SPTBN1: variants seen among roughly 807,000 people sequenced by gnomAD.
SPTBN1 encodes the protein spectrin beta, non-erythrocytic 1, also known as spectrin beta chain, non-erythrocytic 1.
Under a neutral mutation model 266.4 loss-of-function variants are expected in SPTBN1, and 32 were observed. That is an observed-to-expected ratio of 0.12 (90% CI 0.09 to 0.16). The LOEUF is 0.16. Ranked by LOEUF, SPTBN1 falls within the 10% of genes least tolerant of loss-of-function variation. The pLI, the probability that SPTBN1 is intolerant of heterozygous loss-of-function variation, is 1.00. For missense variants in SPTBN1, 2,296 were observed against 3,067.1 expected (o/e 0.75, Z 5.94); for synonymous variants, 1,336 against 1,162.2 (o/e 1.15, Z -3.04).
intron 1 of SPTBN1, among the ~76,000 whole-genome samples, chr2:54,457,509 G>T (rs1462844565): frequency 6.6e-6 from 1 of 152,230 alleles, no homozygotes; most frequent in Non-Finnish European, 1.5e-5. Context: ...CAGGGTGCGT[G>T]TGGGGGTGCT....
intron 11 of SPTBN1, among the ~76,000 whole-genome samples, chr2:54,625,657 C>T (rs1219111201): frequency 4.6e-5 from 7 of 152,148 alleles, no homozygotes; most frequent in Non-Finnish European, 1.0e-4. Flanking sequence ...GTGGCGCAAT[C>T]TCGGCTCACT....
intron 1 of SPTBN1, among the ~76,000 whole-genome samples, chr2:54,474,304 A>G (rs1439719004): frequency 6.6e-6 from 1 of 152,214 alleles, no homozygotes; most frequent in Non-Finnish European, 1.5e-5. Context: ...CTAAAAGTCC[A>G]TCATTGGTAA....
intron 2 of SPTBN1, among the ~76,000 whole-genome samples, chr2:54,579,574 A>T (rs10187447): frequency 0.34 from 51,380 of 151,942 alleles, 11,148 homozygotes; most frequent in African/African-American, 0.63. Context: ...ACTGAGCTGA[A>T]GCACATTGGC....
At chr2:54,557,529 A>C (rs1314303221) in intron 2 of SPTBN1, among the ~76,000 whole-genome samples, 1 of 151,946 alleles carries the variant, frequency 6.6e-6, no homozygotes, top group Non-Finnish European at 1.5e-5. Context: ...TGGGAAGGAG[A>C]GATTTAAAAT....
At position 54,645,953 on chromosome 2, in the gene SPTBN1, T is replaced by C; in HGVS notation, c.4520T>C (p.Leu1507Ser). Residue 1507 changes from leucine to serine, a missense_variant, in exon 22 of 36, where the codon TTG becomes TCG. This residue lies in a region of SPTBN1 where 644 missense variants were observed against 745.3 expected (regional missense o/e 0.86). Coordinates refer to ENST00000356805, the MANE Select transcript of SPTBN1 (RefSeq NM_003128.3). This position sits in a 1 kb window ranked among gnomAD's most constrained non-coding sequence, Gnocchi z 4.3. ...TTGTGGGTTGGAGAGAGGATGCCTTTGGCAACTTCCACGGATCATGGCCAC... is the reference window on the plus strand; with the variant it reads ...TTGTGGGTTGGAGAGAGGATGCCTTCGGCAACTTCCACGGATCATGGCCAC... ...EILWVGERMP[L>S]ATSTDHGHNL... 2 of 1,614,244 alleles carry C rather than the reference T, an allele frequency of 1.2e-6. No individual in the cohort carries two copies. Among genetic ancestry groups the C allele is most frequent in the Non-Finnish European group, 1.7e-6 (2 of 1,180,046 alleles).
At position 54,611,049 on chromosome 2, in the gene SPTBN1, A is replaced by G. The variant is rs370853991; in HGVS notation, c.301-1112A>G. ...AGTACAGTACATACCAAGATTTAATACTGCTCAAATGGTGCCATTACAATC... is the reference window on the plus strand; with the variant it reads ...AGTACAGTACATACCAAGATTTAATGCTGCTCAAATGGTGCCATTACAATC... On this transcript the variant is annotated intron_variant, in intron 3 of 35. Coordinates refer to ENST00000356805, the MANE Select transcript of SPTBN1 (RefSeq NM_003128.3). 2.6e-4 allele frequency among the ~76,000 whole-genome samples: 40 copies of G among 152,186 alleles called. No individual in the cohort carries two copies. The East Asian group carries it at 6.9e-3, about 26-fold the overall frequency.
intron 28 of SPTBN1, 135 bp downstream of exon 28, chr2:54,655,343 C>T (rs1680580528): frequency 8.2e-7 from 1 of 1,222,142 alleles, no homozygotes; most frequent in Non-Finnish European, 1.1e-6. Context: ...AACTCCTTTC[C>T]TGTGCGTCTA....
intron 1 of SPTBN1, among the ~76,000 whole-genome samples, chr2:54,459,931 A>T (rs1693274588): frequency 6.6e-6 from 1 of 152,128 alleles, no homozygotes; most frequent in African/African-American, 2.4e-5. Context: ...TTAAATTTTT[A>T]TTGTGTGGGA....
At chr2:54,555,977 G>A (rs1043453973) in intron 2 of SPTBN1, among the ~76,000 whole-genome samples, 6 of 152,076 alleles carry the variant, frequency 3.9e-5, no homozygotes, top group Non-Finnish European at 5.9e-5. Flanking sequence ...TATTCTTTTG[G>A]TACTTTACTG....
intron 1 of SPTBN1, among the ~76,000 whole-genome samples, chr2:54,472,733 C>G (rs1693994292): frequency 6.6e-6 from 1 of 152,028 alleles, no homozygotes; most frequent in African/African-American, 2.4e-5. Flanking sequence ...TGGGACTAAT[C>G]TAAACAGCCA....
chr2:54,498,817 T>C (rs188046683), intron 1 of SPTBN1, among the ~76,000 whole-genome samples: 2 of 152,308 alleles, frequency 1.3e-5, no homozygotes, highest in Non-Finnish European at 2.9e-5. Flanking sequence ...AAATGCTGTG[T>C]TGGGTGCTGG....
chr2:54,656,194 C>T (rs556568775), intron 29 of SPTBN1, among the ~76,000 whole-genome samples, 196 bp downstream of exon 29: 8 of 152,302 alleles, frequency 5.3e-5, no homozygotes, highest in African/African-American at 1.4e-4. Context: ...TTTTTCACCT[C>T]TTGATTGATC....
chr2:54,602,403 G>A (rs1044821625), intron 3 of SPTBN1, among the ~76,000 whole-genome samples: 3 of 152,144 alleles, frequency 2.0e-5, no homozygotes, highest in African/African-American at 7.2e-5. Flanking sequence ...CATACGATAG[G>A]CCTGCACTTC....
intron 1 of SPTBN1, among the ~76,000 whole-genome samples, chr2:54,504,182 T>C (rs1010079744): frequency 1.3e-5 from 2 of 152,170 alleles, no homozygotes; most frequent in Non-Finnish European, 2.9e-5. Context: ...TGCCCCCACC[T>C]CCCCTCCTTC....
chr2:54,585,091 C>T (rs954054669), intron 2 of SPTBN1, among the ~76,000 whole-genome samples: 1 of 152,190 alleles, frequency 6.6e-6, no homozygotes, highest in Non-Finnish European at 1.5e-5. Context: ...AATCAGATCT[C>T]CCCATTTATG....
rs758301456 is a variant in SPTBN1, at chr2:54,558,576, C to G, written c.148+32010C>G. On this transcript the variant is annotated intron_variant, in intron 2 of 35. Transcript: ENST00000356805. The surrounding 1 kb of genome is among the most constrained non-coding windows in gnomAD (Gnocchi z 4.6). Reference sequence around the variant, plus strand: ...GAAGGGAAAGCAAGAAATTAGATGCCTGTGTGGTAACTCCTCGCGGAGCTA... The same window carrying G: ...GAAGGGAAAGCAAGAAATTAGATGCGTGTGTGGTAACTCCTCGCGGAGCTA... 2 of 1,359,020 alleles carry G rather than the reference C, an allele frequency of 1.5e-6. No individual in the cohort carries two copies. The highest frequency in any genetic ancestry group is 1.5e-5 in the African/African-American group (1 of 66,304). The allele number at this position is 1,359,020 out of a possible 1,614,324, so 84.2% of individuals were successfully genotyped here.
At chr2:54,586,994 T>C (rs957178401) in intron 2 of SPTBN1, among the ~76,000 whole-genome samples, 2 of 152,210 alleles carry the variant, frequency 1.3e-5, no homozygotes, top group Admixed American at 1.3e-4. Flanking sequence ...TCCGGAAACC[T>C]GGAGTAGATT....
intron 3 of SPTBN1, among the ~76,000 whole-genome samples, chr2:54,601,458 C>T (rs994781679): frequency 6.6e-6 from 1 of 152,148 alleles, no homozygotes; most frequent in African/African-American, 2.4e-5. Context: ...AGTTAAAGAT[C>T]CTCCCTGCAG....
chr2:54,485,674 C>T (rs1668329353), intron 1 of SPTBN1, among the ~76,000 whole-genome samples: 1 of 151,770 alleles, frequency 6.6e-6, no homozygotes, highest in Admixed American at 6.6e-5. Flanking sequence ...GTGAGGAGCC[C>T]CTCTGCCTGG....
Sources: gnomAD v4.1 joint callset for allele counts (sites outside exome capture counted in the v4.1 genomes callset) on GRCh38, gnomAD v4.1.1 for gene constraint, gnomAD v4.1.1 regional missense constraint, Gnocchi (gnomAD v3.1) non-coding constraint, MANE v1.5 for transcripts, NCBI Gene and HGNC (gene_info 2026-07-23, HGNC 2026-07-21) for gene names.